ZNF654: variants seen among roughly 807,000 people sequenced by gnomAD.
The protein encoded by ZNF654 is melanoma-associated antigen.
A neutral mutation model predicts 95.3 loss-of-function variants in ZNF654; 19 were observed. The ratio of observed to expected loss-of-function variants is 0.20; its 90% CI spans 0.14 to 0.29. The LOEUF (loss-of-function observed/expected upper bound fraction) is 0.29, where lower values mean the gene tolerates loss of function less well. Among genes scored for constraint, ZNF654 ranks in the 10% least tolerant of loss-of-function variants. ZNF654 has a pLI of 1.00. For missense variants in ZNF654, 1,046 were observed against 1,341.0 expected (o/e 0.78, Z 3.44); for synonymous variants, 413 against 457.9 (o/e 0.90, Z 1.25).
intron 2 of ZNF654, among the ~76,000 whole-genome samples, chr3:88,101,801 G>T (rs1475527234): frequency 6.6e-6 from 1 of 152,108 alleles, no homozygotes; most frequent in Non-Finnish European, 1.5e-5. Flanking sequence ...GGGGGTAGCA[G>T]TTTCTTTACA....
At chr3:88,088,753 T>TGGATGG (rs1559701594) in intron 2 of ZNF654, among the ~76,000 whole-genome samples, 24 of 118,184 alleles carry the variant, frequency 2.0e-4, no homozygotes, top group African/African-American at 6.6e-4. Flanking sequence ...TTTATGTATG[T>TGGATGG]ATGTATGTAT....
chr3:88,107,081 T>C (rs1337829843), intron 2 of ZNF654, among the ~76,000 whole-genome samples: 1 of 152,214 alleles, frequency 6.6e-6, no homozygotes, highest in African/African-American at 2.4e-5. Flanking sequence ...AATTTTGTAA[T>C]GAAATTGTCT....
At chr3:88,060,805 T>A (rs1460820682) in intron 1 of ZNF654, among the ~76,000 whole-genome samples, 1 of 152,078 alleles carries the variant, frequency 6.6e-6, no homozygotes, top group Non-Finnish European at 1.5e-5. Context: ...TTTCTTTCAA[T>A]GCTTGTAAGG....
At position 88,142,251 on chromosome 3, in the gene ZNF654, A is replaced by G. The variant is rs1398387064; in HGVS notation, c.*599A>G. The G allele has an allele frequency of 6.7e-6, 1 of 148,772 alleles. No individual in the cohort carries two copies. The highest frequency in any genetic ancestry group is 1.5e-5 in the Non-Finnish European group (1 of 67,706). The allele number at this position is 148,772 out of a possible 1,614,324, so 9.2% of individuals were successfully genotyped here. On this transcript the variant is annotated 3_prime_UTR_variant, in exon 9 of 9. Transcript: ENST00000636215. ...GGTTTCCAGATGATTAATTAGGTCA[A>G]AGTTCAATGAATGGCACGCCAGCAT...
chr3:88,072,473 T>C (rs1707567874), intron 1 of ZNF654, among the ~76,000 whole-genome samples: 1 of 152,192 alleles, frequency 6.6e-6, no homozygotes, highest in Non-Finnish European at 1.5e-5. Context: ...TACTATACAC[T>C]CACCAACACT....
chr3:88,077,331 ATTG>A (rs1559694342), intron 1 of ZNF654, among the ~76,000 whole-genome samples: 4 of 139,680 alleles, frequency 2.9e-5, no homozygotes, highest in Admixed American at 7.2e-5. Context: ...GCAGACTTAA[ATTG>A]TTTTTTTTTT....
chr3:88,101,361 A>G (rs1218941255), intron 2 of ZNF654, among the ~76,000 whole-genome samples: 1 of 152,168 alleles, frequency 6.6e-6, no homozygotes, highest in African/African-American at 2.4e-5. Flanking sequence ...TTTCATATAA[A>G]TGATATCATA....
intron 1 of ZNF654, among the ~76,000 whole-genome samples, chr3:88,060,207 G>A (rs1242421934): frequency 6.6e-6 from 1 of 151,736 alleles, no homozygotes; most frequent in East Asian, 1.9e-4. Flanking sequence ...CTCTTGCTCC[G>A]GTTAACATCA....
intron 2 of ZNF654, among the ~76,000 whole-genome samples, chr3:88,096,553 A>G (rs1704071602): frequency 6.6e-6 from 1 of 152,104 alleles, no homozygotes; most frequent in Admixed American, 6.6e-5. Context: ...TGATTATTGA[A>G]TTTTAGATTG....
At chr3:88,106,954 G>T (rs1441859036) in intron 2 of ZNF654, among the ~76,000 whole-genome samples, 6 of 151,952 alleles carry the variant, frequency 3.9e-5, no homozygotes, top group African/African-American at 1.5e-4. Flanking sequence ...ATTTTCTATT[G>T]TTTCATTAGC....
intron 1 of ZNF654, among the ~76,000 whole-genome samples, chr3:88,072,495 C>A (rs753353854): frequency 6.6e-6 from 1 of 152,112 alleles, no homozygotes; most frequent in Non-Finnish European, 1.5e-5. Context: ...GTGTCTTTGC[C>A]ACTCCTTGTA....
In ZNF654 at chr3:88,139,161, G is replaced by A. The variant is rs2107888117; in HGVS notation, c.1492G>A (p.Gly498Arg). ...RTEEQQGLDE[G>R]FDSLTDQSTG... is the part of the protein sequence containing the mutation. The stretch of plus-strand genomic sequence containing the variant: ...GGAGGAACAGCAAGGTTTGGATGAA[G>A]GGTTTGACTCTCTTACAGATCAGAG... The change falls in exon 8 of 9, where the codon GGG becomes AGG. Residue 498 changes from glycine (G) to arginine (R), a missense_variant. Gly to Arg is a moderately radical substitution (Grantham distance 125). Transcript: ENST00000636215. 7.5e-7 allele frequency: 1 copy of A among 1,338,654 alleles called. No individual in the cohort carries two copies. The highest frequency in any genetic ancestry group is 9.6e-7 in the Non-Finnish European group (1 of 1,043,416). The allele number at this position is 1,338,654 out of a possible 1,614,324, so 82.9% of individuals were successfully genotyped here. A position where few individuals can be genotyped will look rare whatever the true frequency, so the allele number is the denominator to read the frequency against.
In ZNF654 at chr3:88,139,189, C is replaced by T. The variant is rs193026684; in HGVS notation, c.1520C>T (p.Thr507Ile). The change falls in exon 8 of 9, where the codon ACT becomes ATT. Residue 507 changes from threonine (T) to isoleucine (I), a missense_variant. By Grantham distance (89) the Thr-to-Ile change is moderately conservative. Around this residue, in one of 9 missense-constraint regions of ZNF654, gnomAD observed 100 missense variants for 108.9 expected, o/e 0.92. Transcript: ENST00000636215. ...TTTGACTCTCTTACAGATCAGAGCA[C>T]TGGAGAGACTGATCCTGATGATGTA... ...EGFDSLTDQS[T>I]GETDPDDVSG... The T allele has an allele frequency of 2.2e-3, 3,238 of 1,445,608 alleles. 5 individuals are homozygous for T. Among genetic ancestry groups the T allele is most frequent in the Non-Finnish European group, 2.7e-3 (3,009 of 1,100,662 alleles). 89.5% of individuals were successfully genotyped at this position (1,445,608 alleles called of 1,614,324 possible).
In ZNF654 at chr3:88,113,095, T is replaced by C; in HGVS notation, c.333-20T>C. On this transcript the variant is annotated intron_variant, in intron 2 of 8. Transcript: ENST00000636215. ...CAAAACTCAAAGAAGCAATGAAAGT[T>C]ATTCACTTATTCTTTCTAGGAGTTT... 6.7e-7 allele frequency: 1 copy of C among 1,483,452 alleles called. No homozygotes were observed. The highest frequency in any genetic ancestry group is 9.1e-7 in the Non-Finnish European group (1 of 1,103,410). 91.9% of individuals were successfully genotyped at this position (1,483,452 alleles called of 1,614,324 possible). A position where few individuals can be genotyped will look rare whatever the true frequency, so the allele number is the denominator to read the frequency against.
chr3:88,078,842 A>G (rs9847019), intron 1 of ZNF654, among the ~76,000 whole-genome samples: 119,083 of 151,974 alleles, frequency 0.78, 47,568 homozygotes, highest in South Asian at 0.91. Context: ...TGACTAAAGA[A>G]TACTGATTAA....
chr3:88,125,999 T>TA, intron 3 of ZNF654, 135 bp from the exon 4 acceptor site: 1 of 951,344 alleles, frequency 1.1e-6, no homozygotes, highest in South Asian at 2.5e-5. Context: ...CTACTTAGGT[T>TA]ACAATAGTAA....
Position 88,141,730 on chromosome 3 carries a change from C to T in ZNF654, c.*78C>T, listed in dbSNP as rs1408804004. ...TATAAGAAAATGCATCATCAGTTTG[C>T]TATTTCCCTGATGGCCTTAATTTTA... is the stretch of plus-strand genomic sequence containing the variant. On this transcript the variant is annotated 3_prime_UTR_variant, in exon 9 of 9. Transcript: ENST00000636215. The T allele has an allele frequency of 2.6e-6, 3 of 1,171,626 alleles. No homozygotes were observed. Among genetic ancestry groups the T allele is most frequent in the Non-Finnish European group, 3.5e-6 (3 of 851,318 alleles). 72.6% of individuals were successfully genotyped at this position (1,171,626 alleles called of 1,614,324 possible).
At chr3:88,100,621 G>A (rs60100129) in intron 2 of ZNF654, among the ~76,000 whole-genome samples, 3 of 152,220 alleles carry the variant, frequency 2.0e-5, no homozygotes, top group East Asian at 3.9e-4. Flanking sequence ...CATGGAATAC[G>A]ATGCAGCCAT....
chr3:88,122,883 G>T (rs935491844), intron 3 of ZNF654, among the ~76,000 whole-genome samples: 1 of 151,538 alleles, frequency 6.6e-6, no homozygotes, highest in Non-Finnish European at 1.5e-5. Flanking sequence ...GGTGGTGGGC[G>T]CCTGTAATCT....
Sources: allele counts gnomAD v4.1 joint callset (sites outside exome capture counted in the v4.1 genomes callset), GRCh38; gene constraint gnomAD v4.1.1; regional missense constraint gnomAD v4.1.1; transcripts MANE v1.5; gene names NCBI Gene and HGNC (gene_info 2026-07-23, HGNC 2026-07-21).